The following PCDH11X variants were observed in gnomAD, a reference collection of about 807,000 sequenced individuals.
PCDH11X encodes protocadherin-11 X-linked.
PCDH11X carries 18 observed loss-of-function variants against 53.3 expected under a neutral mutation model. The ratio of observed to expected loss-of-function variants is 0.34; its 90% CI spans 0.23 to 0.50. The LOEUF is 0.50. Among genes scored for constraint, PCDH11X ranks in the 20% least tolerant of loss-of-function variants. The probability of loss-of-function intolerance (pLI) is 0.98; values close to 1 mark genes in which losing one functional copy is unlikely to be tolerated. For missense variants in PCDH11X, 570 were observed against 1,032.4 expected (o/e 0.55, Z 6.14); for synonymous variants, 279 against 393.3 (o/e 0.71, Z 3.44).
rs749113657 is a variant in PCDH11X at position 91,807,217 on chromosome X, T to TGTGTGCCTGTAG, written c.-378-2248_-378-2237dup. Among the ~76,000 whole-genome samples the TGTGTGCCTGTAG allele has an allele frequency of 6.7e-3, 722 of 107,024 alleles. 6 individuals are homozygous for TGTGTGCCTGTAG. Among genetic ancestry groups the TGTGTGCCTGTAG allele is most frequent in the African/African-American group, 0.023 (684 of 29,304 alleles). The allele number at this position is 107,024 out of a possible 115,157, so 92.9% of individuals were successfully genotyped here. On this transcript the variant is annotated intron_variant, in intron 1 of 10. Coordinates refer to ENST00000682573, the MANE Select transcript of PCDH11X (RefSeq NM_032968.5). ...AAAAAAAATTAGCCAGGTCTGTTCATGTGTGCCTGTAGTCCTAGTTGGGAG... is the reference window on the plus strand; with the variant it reads ...AAAAAAAATTAGCCAGGTCTGTTCATGTGTGCCTGTAGGTGTGCCTGTAGTCCTAGTTGGGAG...
intron 10 of PCDH11X, among the ~76,000 whole-genome samples, chrX:92,571,846 G>A (rs1922243039): frequency 8.9e-6 from 1 of 112,001 alleles, no homozygotes; most frequent in Admixed American, 9.5e-5. Flanking sequence ...ACTAGGCTCA[G>A]TAGGAAGGAA....
chrX:92,294,149 T>C (rs1282449883), intron 8 of PCDH11X, among the ~76,000 whole-genome samples: 2 of 110,578 alleles, frequency 1.8e-5, no homozygotes, highest in East Asian at 2.9e-4. Context: ...TTCATTTATT[T>C]ATTTATTTTG....
At chrX:92,122,991 T>A (rs1231027837) in intron 6 of PCDH11X, among the ~76,000 whole-genome samples, 1 of 110,917 alleles carries the variant, frequency 9.0e-6, no homozygotes, top group Non-Finnish European at 1.9e-5. Context: ...ATAATCTGAA[T>A]GTATTGCCCT....
intron 6 of PCDH11X, among the ~76,000 whole-genome samples, chrX:91,913,824 A>G (rs1941466353): frequency 1.8e-5 from 2 of 110,062 alleles, no homozygotes; most frequent in Admixed American, 9.7e-5. Flanking sequence ...CTCAGGACAG[A>G]ATAACCCTGA....
chrX:91,870,560 T>TA (rs1185827705), intron 5 of PCDH11X, among the ~76,000 whole-genome samples: 4 of 110,097 alleles, frequency 3.6e-5, no homozygotes, highest in African/African-American at 9.9e-5. Context: ...GACTAACATT[T>TA]AAAAAAAAGA....
At chrX:92,478,145 C>A (rs946375230) in intron 10 of PCDH11X, among the ~76,000 whole-genome samples, 1 of 111,355 alleles carries the variant, frequency 9.0e-6, no homozygotes, top group Non-Finnish European at 1.9e-5. Context: ...AAGGTACTTG[C>A]TTCCCCTTTG....
intron 10 of PCDH11X, among the ~76,000 whole-genome samples, chrX:92,537,336 T>C (rs1446428220): frequency 1.8e-5 from 2 of 108,766 alleles, no homozygotes; most frequent in Non-Finnish European, 3.8e-5. Context: ...ATGAAAGCTA[T>C]AAAATCTAAT....
At chrX:92,318,520 A>G (rs1447822947) in intron 8 of PCDH11X, among the ~76,000 whole-genome samples, 3 of 111,251 alleles carry the variant, frequency 2.7e-5, no homozygotes, top group Non-Finnish European at 5.7e-5. Flanking sequence ...TTTGTGATTA[A>G]AAAAAATACA....
At chrX:92,343,130 T>C (rs1293222489) in intron 8 of PCDH11X, among the ~76,000 whole-genome samples, 2 of 112,211 alleles carry the variant, frequency 1.8e-5, no homozygotes, top group Non-Finnish European at 3.8e-5. Context: ...TCATTTTAAA[T>C]GTGTAAAGGA....
At chrX:92,558,676 GA>G (rs1356997829) in intron 10 of PCDH11X, among the ~76,000 whole-genome samples, 2 of 109,768 alleles carry the variant, frequency 1.8e-5, no homozygotes, top group Admixed American at 9.9e-5. Context: ...CCTCTAAGTA[GA>G]AAAGATAAGA....
At chrX:92,130,451 A>G (rs1234915266) in intron 6 of PCDH11X, among the ~76,000 whole-genome samples, 3 of 110,370 alleles carry the variant, frequency 2.7e-5, no homozygotes, top group Admixed American at 2.0e-4. Context: ...GGAGTTCGAG[A>G]CCAGCCTGAC....
intron 6 of PCDH11X, among the ~76,000 whole-genome samples, chrX:91,937,744 T>C (rs1173639045): frequency 9.0e-6 from 1 of 111,154 alleles, no homozygotes; most frequent in African/African-American, 3.3e-5. Context: ...CCTTTATTCA[T>C]TGTATAATTT....
chrX:92,618,202 G>A, intron 10 of PCDH11X, 62 bp from the exon 11 acceptor site: 32 of 1,154,035 alleles, frequency 2.8e-5, no homozygotes, highest in Non-Finnish European at 3.7e-5. Context: ...TGATATTTAA[G>A]TGGCTAATAA....
At chrX:92,338,011 T>C (rs1339998424) in intron 8 of PCDH11X, among the ~76,000 whole-genome samples, 2 of 111,243 alleles carry the variant, frequency 1.8e-5, no homozygotes, top group African/African-American at 3.3e-5. Flanking sequence ...TTCAGTTTGC[T>C]GAGAAGGGTA....
chrX:92,392,186 T>A (rs2071144153), intron 9 of PCDH11X, among the ~76,000 whole-genome samples: 1 of 111,066 alleles, frequency 9.0e-6, no homozygotes, highest in South Asian at 3.7e-4. Context: ...AGTTAATGCT[T>A]TTCCTCTTTT....
intron 10 of PCDH11X, among the ~76,000 whole-genome samples, chrX:92,509,262 T>A (rs1005603333): frequency 3.6e-5 from 4 of 110,728 alleles, no homozygotes; most frequent in African/African-American, 1.3e-4. Flanking sequence ...GGGATGGAAA[T>A]TTTCACTGTA....
At chrX:91,791,792 A>T (rs754818518) in intron 1 of PCDH11X, among the ~76,000 whole-genome samples, 149 of 104,560 alleles carry the variant, frequency 1.4e-3, no homozygotes, top group Non-Finnish European at 2.2e-3. Context: ...CTATTATCAA[A>T]GAATAGAGAA....
At chrX:92,551,225 T>C (rs2751021) in intron 10 of PCDH11X, among the ~76,000 whole-genome samples, 1 of 111,924 alleles carries the variant, frequency 8.9e-6, no homozygotes, top group African/African-American at 3.2e-5. Context: ...GGTTCCCTTT[T>C]CTCTACATCT....
intron 8 of PCDH11X, among the ~76,000 whole-genome samples, chrX:92,297,671 A>G (rs1007270037): frequency 2.7e-5 from 3 of 111,652 alleles, no homozygotes; most frequent in Non-Finnish European, 3.8e-5. Flanking sequence ...AGCTTTTCTA[A>G]TTCTGTGAGG....
Sources: allele counts gnomAD v4.1 joint callset (sites outside exome capture counted in the v4.1 genomes callset), GRCh38; gene constraint gnomAD v4.1.1; transcripts MANE v1.5; gene names NCBI Gene and HGNC (gene_info 2026-07-23, HGNC 2026-07-21).